The following CDH12 variants were observed in gnomAD, a reference collection of about 807,000 sequenced individuals.
CDH12 encodes cadherin-12.
A neutral mutation model predicts 74.1 loss-of-function variants in CDH12; 41 were observed. The observed-to-expected ratio is 0.55, with a 90% CI of 0.43 to 0.72. CDH12 has a LOEUF of 0.72. Ranked by LOEUF, CDH12 falls within the 30% of genes least tolerant of loss-of-function variation. The pLI is 0.00. For missense variants in CDH12, 945 were observed against 977.2 expected (o/e 0.97, Z 0.44); for synonymous variants, 399 against 355.0 (o/e 1.12, Z -1.39).
rs10068747 is a variant in CDH12 at position 22,360,340 on chromosome 5, A to T, written c.-333+44917T>A. 2.0e-5 allele frequency among the ~76,000 whole-genome samples: 3 copies of T among 152,200 alleles called. No individual in the cohort carries two copies. In the East Asian group the frequency reaches 5.8e-4, roughly 29 times the overall value. On this transcript the variant is annotated intron_variant, in intron 3 of 14. Coordinates refer to ENST00000382254, the MANE Select transcript of CDH12 (RefSeq NM_004061.5). ...AAACTAGAAAATCTAGAAGAAATGG[A>T]TAAATTCCTCCACACATACACCCTC...
intron 8 of CDH12, among the ~76,000 whole-genome samples, chr5:21,821,157 T>C (rs1340409125): frequency 6.6e-6 from 1 of 151,808 alleles, no homozygotes; most frequent in Non-Finnish European, 1.5e-5. Context: ...TTTGAAAAGA[T>C]ACTGATTAGG....
intron 3 of CDH12, among the ~76,000 whole-genome samples, chr5:22,338,277 G>A (rs1313818176): frequency 6.6e-6 from 1 of 152,146 alleles, no homozygotes; most frequent in Non-Finnish European, 1.5e-5. Flanking sequence ...GCAACAACAT[G>A]GATAGAACTG....
intron 3 of CDH12, among the ~76,000 whole-genome samples, chr5:22,260,173 T>G (rs887193213): frequency 5.9e-5 from 9 of 152,096 alleles, no homozygotes; most frequent in Non-Finnish European, 4.4e-5. Context: ...AATTTACTGT[T>G]TGAAATATGA....
At chr5:22,031,890 C>G (rs1214421264) in intron 5 of CDH12, among the ~76,000 whole-genome samples, 1 of 152,000 alleles carries the variant, frequency 6.6e-6, no homozygotes, top group Admixed American at 6.6e-5. Context: ...TAATGAAGAA[C>G]TTTGGAATTT....
At chr5:22,743,461 T>C (rs955948343) in intron 1 of CDH12, among the ~76,000 whole-genome samples, 2 of 151,726 alleles carry the variant, frequency 1.3e-5, no homozygotes, top group Non-Finnish European at 2.9e-5. Flanking sequence ...GACATGGAAA[T>C]GGTCAAATGT....
intron 4 of CDH12, among the ~76,000 whole-genome samples, chr5:22,186,708 T>G (rs775049719): frequency 6.6e-6 from 1 of 152,296 alleles, no homozygotes; most frequent in South Asian, 2.1e-4. Flanking sequence ...TGACCTCAAG[T>G]GATGCCCCCG....
chr5:22,624,090 A>G (rs1258054215), intron 1 of CDH12, among the ~76,000 whole-genome samples: 1 of 152,138 alleles, frequency 6.6e-6, no homozygotes, highest in African/African-American at 2.4e-5. Context: ...AATAAATGGT[A>G]CTGGGAAAAC....
intron 3 of CDH12, among the ~76,000 whole-genome samples, chr5:22,394,209 T>C (rs1365297255): frequency 6.6e-6 from 1 of 152,096 alleles, no homozygotes; most frequent in African/African-American, 2.4e-5. Context: ...CTCATTATAA[T>C]CTGAGAATAG....
chr5:22,295,800 G>A (rs1249597813), intron 3 of CDH12, among the ~76,000 whole-genome samples: 4 of 151,990 alleles, frequency 2.6e-5, no homozygotes, highest in African/African-American at 7.2e-5. Flanking sequence ...AAAGTTATAC[G>A]ACAAGAATCT....
At chr5:22,804,896 G>A (rs1394589217) in intron 1 of CDH12, among the ~76,000 whole-genome samples, 1 of 152,130 alleles carries the variant, frequency 6.6e-6, no homozygotes, top group East Asian at 1.9e-4. Context: ...CTTGAGTAAA[G>A]TAATGCAAAG....
chr5:22,505,968 A>G (rs1193318982), intron 1 of CDH12, among the ~76,000 whole-genome samples: 6 of 152,028 alleles, frequency 3.9e-5, no homozygotes, highest in Non-Finnish European at 2.9e-5. Context: ...ACAGATCTTG[A>G]TCAGCTGACT....
chr5:22,693,572 A>C (rs1160946008), intron 1 of CDH12, among the ~76,000 whole-genome samples: 1 of 152,330 alleles, frequency 6.6e-6, no homozygotes, highest in East Asian at 1.9e-4. Flanking sequence ...TTAGAAAATG[A>C]ACATTATTCG....
chr5:22,142,468 T>C, intron 4 of CDH12: 1 of 609,760 alleles, frequency 1.6e-6, no homozygotes, highest in Non-Finnish European at 3.2e-6. Flanking sequence ...TAGAAGGATC[T>C]GTAGCTTTTC....
chr5:21,862,779 T>G (rs762310663), intron 6 of CDH12, among the ~76,000 whole-genome samples: 1 of 152,178 alleles, frequency 6.6e-6, no homozygotes, highest in Non-Finnish European at 1.5e-5. Context: ...ATATATGGCC[T>G]CTAGAAAATA....
chr5:22,156,811 C>A (rs1748047042), intron 4 of CDH12, among the ~76,000 whole-genome samples: 2 of 152,088 alleles, frequency 1.3e-5, no homozygotes, highest in South Asian at 4.1e-4. Context: ...AGATGGCAAG[C>A]ATTTTTTACA....
chr5:22,013,481 T>C (rs1737414209), intron 5 of CDH12, among the ~76,000 whole-genome samples: 1 of 152,136 alleles, frequency 6.6e-6, no homozygotes, highest in Non-Finnish European at 1.5e-5. Context: ...TATTCTTAAA[T>C]GCAAAAATTG....
rs775344950 is a variant in CDH12 at position 21,873,495 on chromosome 5, C to T, written c.527-18705G>A. The stretch of plus-strand genomic sequence containing the variant: ...GATAATTGACAAGATTGTCACAGAC[C>T]AGAGGCCACAAACTTTAGTGTCACA... On this transcript the variant is annotated intron_variant, in intron 6 of 14. Coordinates refer to ENST00000382254, the MANE Select transcript of CDH12 (RefSeq NM_004061.5). Among the ~76,000 whole-genome samples, 43 of 152,122 alleles carry T rather than the reference C, an allele frequency of 2.8e-4. 1 individual carries two copies. The highest frequency in any genetic ancestry group is 5.3e-4 in the Non-Finnish European group (36 of 68,028).
At chr5:22,110,396 G>A (rs1479216367) in intron 4 of CDH12, among the ~76,000 whole-genome samples, 1 of 152,004 alleles carries the variant, frequency 6.6e-6, no homozygotes, top group Non-Finnish European at 1.5e-5. Context: ...TACGCTACAT[G>A]GGAGACAGGG....
intron 5 of CDH12, among the ~76,000 whole-genome samples, chr5:22,067,507 G>C (rs576059704): frequency 6.6e-6 from 1 of 152,218 alleles, no homozygotes; most frequent in East Asian, 1.9e-4. Context: ...AGTTTTGAGT[G>C]GGGGACAGAA....
Sources: gnomAD v4.1 joint callset for allele counts (sites outside exome capture counted in the v4.1 genomes callset) on GRCh38, gnomAD v4.1.1 for gene constraint, MANE v1.5 for transcripts, NCBI Gene and HGNC (gene_info 2026-07-23, HGNC 2026-07-21) for gene names.